The following BTLA variants were observed in gnomAD, a reference collection of about 807,000 sequenced individuals.
BTLA encodes B and T lymphocyte associated.
Under a neutral mutation model 25.0 loss-of-function variants are expected in BTLA, and 11 were observed. The ratio of observed to expected loss-of-function variants is 0.44; its 90% CI spans 0.28 to 0.73. The LOEUF (loss-of-function observed/expected upper bound fraction) is 0.73. Ranked by LOEUF, BTLA falls within the 30% of genes least tolerant of loss-of-function variation. The pLI is 0.15. For missense variants in BTLA, 282 were observed against 332.8 expected, an observed-to-expected ratio of 0.85 and a Z score of 1.19; for synonymous variants, 104 against 119.8, an observed-to-expected ratio of 0.87 and a Z score of 0.86.
intron 1 of BTLA, among the ~76,000 whole-genome samples, chr3:112,492,973 A>G (rs148451954): frequency 9.8e-5 from 15 of 152,340 alleles, no homozygotes; most frequent in African/African-American, 3.4e-4. Flanking sequence ...GTTCTAAGTG[A>G]ATCTCAAATT....
intron 2 of BTLA, among the ~76,000 whole-genome samples, chr3:112,473,318 G>A (rs550125081): frequency 2.0e-5 from 3 of 152,028 alleles, no homozygotes; most frequent in Admixed American, 1.3e-4. Context: ...TCAACCCCAC[G>A]ATCATTGACA....
intron 4 of BTLA, among the ~76,000 whole-genome samples, chr3:112,466,802 G>A (rs987625705): frequency 3.9e-5 from 6 of 152,108 alleles, no homozygotes; most frequent in African/African-American, 1.4e-4. Context: ...TACCCCCTAA[G>A]AGGGCAGAAA....
At chr3:112,488,149 T>G (rs2082358584) in intron 1 of BTLA, among the ~76,000 whole-genome samples, 1 of 152,166 alleles carries the variant, frequency 6.6e-6, no homozygotes, top group African/African-American at 2.4e-5. Context: ...AATGGTCTTC[T>G]ACATTCCAAA....
chr3:112,484,953 T>TTA (rs1183289773), intron 1 of BTLA, among the ~76,000 whole-genome samples: 3 of 152,210 alleles, frequency 2.0e-5, no homozygotes, highest in South Asian at 2.1e-4. Flanking sequence ...AAACAAGGTA[T>TTA]TATAATACCT....
chr3:112,499,080 C>G (rs2082426968), intron 1 of BTLA, among the ~76,000 whole-genome samples, 191 bp downstream of exon 1: 1 of 152,132 alleles, frequency 6.6e-6, no homozygotes, highest in African/African-American at 2.4e-5. Context: ...TATGATTAGG[C>G]AGGTGAATAC....
intron 1 of BTLA, among the ~76,000 whole-genome samples, chr3:112,497,524 T>C (rs1393965749): frequency 1.3e-5 from 2 of 152,210 alleles, no homozygotes; most frequent in East Asian, 1.9e-4. Flanking sequence ...CTTAATTTCA[T>C]AGAGAGTAGT....
intron 1 of BTLA, among the ~76,000 whole-genome samples, chr3:112,493,365 C>A (rs142239306): frequency 1.3e-5 from 2 of 152,206 alleles, no homozygotes; most frequent in African/African-American, 4.8e-5. Flanking sequence ...AAAAAGGCAA[C>A]CTACAGAATG....
rs980859752 is a variant in BTLA, at chr3:112,464,074, T to C, written c.*2034A>G. 1.0e-5 allele frequency: 4 copies of C among 397,544 alleles called. No homozygotes were observed. The highest frequency in any genetic ancestry group is 8.2e-5 in the African/African-American group (4 of 48,594). The allele number at this position is 397,544 out of a possible 1,614,324, so 24.6% of individuals were successfully genotyped here. ...TCTACATATTCTTTTTCTCAAACCC[T>C]CTATAAACTAATGAAATAAGCCATG... On this transcript the variant is annotated 3_prime_UTR_variant, in exon 5 of 5. Coordinates refer to ENST00000334529, the MANE Select transcript of BTLA (RefSeq NM_181780.4).
rs2082306465 is a variant in BTLA, at chr3:112,479,536, T to C, written c.322A>G (p.Asn108Asp). The C allele has an allele frequency of 8.1e-6, 13 of 1,614,132 alleles. No homozygotes were observed. The highest frequency in any genetic ancestry group is 1.1e-5 in the Non-Finnish European group (13 of 1,179,974). Residue 108 changes from asparagine to aspartate, a missense_variant, in exon 2 of 5, where the codon AAT (asparagine) becomes GAT (aspartate). Asn to Asp is a conservative substitution (Grantham distance 23, BLOSUM62 1). Transcript: ENST00000334529. ...GAACAGCGGTATGACCCATTGTCATTAGGAAGCACTGGTTCAAAATGTAGA... is the reference window on the plus strand; with the variant it reads ...GAACAGCGGTATGACCCATTGTCATCAGGAAGCACTGGTTCAAAATGTAGA... The part of the protein sequence containing the change: ...FILHFEPVLP[N>D]DNGSYRCSAN...
chr3:112,468,162 A>G (rs542394704), intron 4 of BTLA, among the ~76,000 whole-genome samples: 1 of 152,348 alleles, frequency 6.6e-6, no homozygotes, highest in Non-Finnish European at 1.5e-5. Flanking sequence ...TTGTATTTAT[A>G]GTATATGTTT....
At chr3:112,478,189 C>A in intron 2 of BTLA, among the ~76,000 whole-genome samples, 1 of 152,034 alleles carries the variant, frequency 6.6e-6, no homozygotes, top group Non-Finnish European at 1.5e-5. Context: ...TTTAGTGGAA[C>A]TGCATTGAAT....
At chr3:112,482,004 T>C (rs1394032286) in intron 1 of BTLA, among the ~76,000 whole-genome samples, 1 of 152,248 alleles carries the variant, frequency 6.6e-6, no homozygotes, top group Non-Finnish European at 1.5e-5. Flanking sequence ...TCTTAGCAAC[T>C]GTATGACAAG....
chr3:112,485,125 G>C (rs1406272683), intron 1 of BTLA, among the ~76,000 whole-genome samples: 1 of 151,770 alleles, frequency 6.6e-6, no homozygotes, highest in Non-Finnish European at 1.5e-5. Context: ...GCTCACTGCA[G>C]CCTCCGCCTC....
chr3:112,475,463 AATAG>A (rs1576680584), intron 2 of BTLA, among the ~76,000 whole-genome samples: 3 of 152,190 alleles, frequency 2.0e-5, no homozygotes, highest in African/African-American at 4.8e-5. Context: ...TCCTCCACAA[AATAG>A]ATAGATTGTT....
At chr3:112,487,307 G>A (rs990311659) in intron 1 of BTLA, among the ~76,000 whole-genome samples, 4 of 152,138 alleles carry the variant, frequency 2.6e-5, no homozygotes, top group Non-Finnish European at 5.9e-5. Flanking sequence ...GAAACCGGCC[G>A]GGCGTGGTGA....
chr3:112,485,791 G>A (rs2082343858), intron 1 of BTLA, among the ~76,000 whole-genome samples: 1 of 152,156 alleles, frequency 6.6e-6, no homozygotes, highest in Non-Finnish European at 1.5e-5. Context: ...TGCTAAAAAT[G>A]ATTAAAATAA....
intron 1 of BTLA, among the ~76,000 whole-genome samples, chr3:112,483,125 A>G (rs1455948582): frequency 1.3e-5 from 2 of 150,820 alleles, no homozygotes; most frequent in South Asian, 4.2e-4. Flanking sequence ...AGTATCTAAC[A>G]AAGAGGGCAC....
chr3:112,488,142 G>A (rs2082358550), intron 1 of BTLA, among the ~76,000 whole-genome samples: 1 of 151,830 alleles, frequency 6.6e-6, no homozygotes, highest in South Asian at 2.1e-4. Flanking sequence ...CGTACCAAAT[G>A]GTCTTCTACA....
chr3:112,469,826 A>G, intron 3 of BTLA, 22 bp from the exon 4 acceptor site: 1 of 1,594,028 alleles, frequency 6.3e-7, no homozygotes, highest in South Asian at 1.1e-5. Context: ...AAAGAAAAAG[A>G]AGTAATCAAA....
Sources: allele counts gnomAD v4.1 joint callset (sites outside exome capture counted in the v4.1 genomes callset), GRCh38; gene constraint gnomAD v4.1.1; transcripts MANE v1.5; gene names NCBI Gene and HGNC (gene_info 2026-07-23, HGNC 2026-07-21).